The following ELFN2 variants were observed in gnomAD, a reference collection of about 807,000 sequenced individuals.
ELFN2 encodes the protein extracellular leucine rich repeat and fibronectin type III domain containing 2, also known as protein phosphatase 1 regulatory subunit 29.
A neutral mutation model predicts 45.5 loss-of-function variants in ELFN2; 17 were observed. The observed-to-expected ratio is 0.37, with a 90% confidence interval of 0.26 to 0.56. The LOEUF is 0.56. Among genes scored for constraint, ELFN2 ranks in the 20% least tolerant of loss-of-function variants. The pLI, the probability that ELFN2 is intolerant of heterozygous loss-of-function variation, is 0.77. For synonymous variants in ELFN2, 550 were observed against 551.5 expected, an observed-to-expected ratio of 1.00 and a Z score of 0.04; for missense variants, 922 against 1,183.2, an observed-to-expected ratio of 0.78 and a Z score of 3.24.
At chr22:37,400,020 GAGGC>G (rs1387604883) in intron 2 of ELFN2, among the ~76,000 whole-genome samples, 6 of 152,170 alleles carry the variant, frequency 3.9e-5, no homozygotes, top group Admixed American at 3.9e-4. Context: ...GCTGCAGGGT[GAGGC>G]CTGCAACCAC....
At chr22:37,397,960 A>G (rs1335430961) in intron 2 of ELFN2, among the ~76,000 whole-genome samples, 2 of 152,154 alleles carry the variant, frequency 1.3e-5, no homozygotes, top group Non-Finnish European at 2.9e-5. Context: ...GGACGTCTGC[A>G]CTGGTCCCTG....
intron 1 of ELFN2, among the ~76,000 whole-genome samples, chr22:37,351,101 C>T (rs1029158017): frequency 2.0e-5 from 3 of 150,202 alleles, no homozygotes; most frequent in East Asian, 1.9e-4. Flanking sequence ...TCCTCCCTTG[C>T]GGTCCCCTGG....
intron 1 of ELFN2, among the ~76,000 whole-genome samples, chr22:37,347,469 GT>G (rs1930725184): frequency 6.6e-6 from 1 of 152,146 alleles, no homozygotes; most frequent in Non-Finnish European, 1.5e-5. Context: ...ACCTCTGGCC[GT>G]GGAAGCACCT....
At position 37,352,324 on chromosome 22, in the gene ELFN2, C is replaced by T. The variant is rs1321831376; in HGVS notation, n.149-9621G>A. The T allele has an allele frequency of 5.3e-5, 8 of 151,062 alleles. 1 individual carries two copies. Among genetic ancestry groups the T allele is most frequent in the Non-Finnish European group, 8.9e-5 (6 of 67,360 alleles). 9.4% of individuals were successfully genotyped at this position (151,062 alleles called of 1,614,324 possible). ...CCTGTGCAGAATCCCAGAGGTGACT[C>T]CAGCAGCCTTTGGGGAACCGTCACT... On this transcript the variant is annotated intron_variant and non_coding_transcript_variant, in intron 1 of 2. Transcript: ENST00000452946.
intron 1 of ELFN2, among the ~76,000 whole-genome samples, chr22:37,347,121 G>A (rs1333058621): frequency 2.6e-5 from 4 of 152,082 alleles, no homozygotes; most frequent in African/African-American, 9.7e-5. Context: ...TGGGATTTCA[G>A]GTGTGCGCCA....
intron 1 of ELFN2, among the ~76,000 whole-genome samples, chr22:37,421,600 G>A (rs1932809406): frequency 6.6e-6 from 1 of 152,176 alleles, no homozygotes; most frequent in Non-Finnish European, 1.5e-5. Flanking sequence ...TGCCAGGCAG[G>A]GGCTCCTCTC....
At chr22:37,408,775 CCT>C (rs1231902745) in intron 2 of ELFN2, among the ~76,000 whole-genome samples, 1 of 152,196 alleles carries the variant, frequency 6.6e-6, no homozygotes, top group African/African-American at 2.4e-5. Flanking sequence ...GGATCTTTAA[CCT>C]CTCTGTTCCT....
At chr22:37,377,164 A>G (rs1013375915) in intron 2 of ELFN2, among the ~76,000 whole-genome samples, 3 of 152,234 alleles carry the variant, frequency 2.0e-5, no homozygotes, top group Admixed American at 6.5e-5. Flanking sequence ...CGGGGGTCAC[A>G]GCGGCAGACC....
chr22:37,375,316 G>C lies in ELFN2; in HGVS notation c.219C>G (p.Ser73=). Residue 73 remains serine, a synonymous_variant, in exon 3 of 3, where the codon TCC becomes TCG. Coordinates refer to ENST00000402918, the MANE Select transcript of ELFN2 (RefSeq NM_052906.5). ...TGAGGTTCCCAAAGCGGTTGAGCGA[G>C]GAGTAGAGCACGGCTTTGAGCTTGT... ...NENKLKAVLY[S]SLNRFGNLTD... is the part of the protein sequence containing the mutation. 1 of 1,614,188 alleles carries C rather than the reference G, an allele frequency of 6.2e-7. No homozygotes were observed.
intron 2 of ELFN2, among the ~76,000 whole-genome samples, chr22:37,411,354 C>T (rs1932645496): frequency 6.6e-6 from 1 of 152,210 alleles, no homozygotes; most frequent in African/African-American, 2.4e-5. Context: ...ACCATTGGGG[C>T]ACCTCAGTGC....
At chr22:37,364,257 G>T (rs1361102146), downstream of ELFN2, among the ~76,000 whole-genome samples, 1 of 152,224 alleles carries the variant, frequency 6.6e-6, no homozygotes. Context: ...CCTCGGGGAG[G>T]CCAGGGTGGT....
intron 2 of ELFN2, among the ~76,000 whole-genome samples, chr22:37,410,777 G>A (rs570480394): frequency 2.8e-4 from 42 of 152,302 alleles, no homozygotes; most frequent in Middle Eastern, 3.4e-3. Flanking sequence ...CACGGCCAGC[G>A]GGGGATGAAT....
intron 2 of ELFN2, among the ~76,000 whole-genome samples, chr22:37,415,863 T>G (rs936567687): frequency 6.6e-6 from 1 of 152,162 alleles, no homozygotes; most frequent in Admixed American, 6.5e-5. Flanking sequence ...TCAAGGAGGC[T>G]GAAGCAGGAG....
intron 2 of ELFN2, among the ~76,000 whole-genome samples, chr22:37,413,689 A>T (rs1932710224): frequency 6.6e-6 from 1 of 152,212 alleles, no homozygotes; most frequent in South Asian, 2.1e-4. Flanking sequence ...CCCAGATATT[A>T]TCCCCATTTT....
At chr22:37,419,612 C>T (rs1932793866) in intron 1 of ELFN2, among the ~76,000 whole-genome samples, 1 of 152,284 alleles carries the variant, frequency 6.6e-6, no homozygotes, top group East Asian at 1.9e-4. Flanking sequence ...CCCACGCTCA[C>T]CAAACACACC....
intron 1 of ELFN2, among the ~76,000 whole-genome samples, chr22:37,421,437 A>AC: frequency 6.6e-6 from 1 of 152,284 alleles, no homozygotes; most frequent in African/African-American, 2.4e-5. Flanking sequence ...CTCGCTCCAC[A>AC]CCTGGCCTCC....
intron 2 of ELFN2, among the ~76,000 whole-genome samples, chr22:37,394,932 G>A (rs536843056): frequency 1.1e-4 from 16 of 151,880 alleles, no homozygotes; most frequent in African/African-American, 3.4e-4. Context: ...GCGAAACCCC[G>A]TCTCTACTAA....
intron 1 of ELFN2, among the ~76,000 whole-genome samples, chr22:37,349,052 G>A (rs936125785): frequency 5.3e-5 from 8 of 151,330 alleles, no homozygotes; most frequent in Non-Finnish European, 7.4e-5. Context: ...TCGCTACAGA[G>A]CATCTCTTCT....
intron 1 of ELFN2, among the ~76,000 whole-genome samples, chr22:37,424,592 A>T (rs146442731): frequency 6.6e-6 from 1 of 151,766 alleles, no homozygotes; most frequent in Non-Finnish European, 1.5e-5. Context: ...CCAATTCCTC[A>T]TAGCTCCATA....
Sources: allele counts gnomAD v4.1 joint callset (sites outside exome capture counted in the v4.1 genomes callset), GRCh38; gene constraint gnomAD v4.1.1; transcripts MANE v1.5; gene names NCBI Gene and HGNC (gene_info 2026-07-23, HGNC 2026-07-21).